ANO4: variants seen among roughly 807,000 people sequenced by gnomAD.
The protein encoded by ANO4 is anoctamin-4.
In ANO4, 69 loss-of-function variants were observed where a neutral mutation model predicts 141.9. The observed-to-expected ratio is 0.49, with a 90% CI of 0.40 to 0.59. The LOEUF (loss-of-function observed/expected upper bound fraction) is 0.59. Ranked by LOEUF, ANO4 falls within the 20% of genes least tolerant of loss-of-function variation. The pLI is 0.00. For missense variants in ANO4, 894 were observed against 1,162.2 expected (o/e 0.77, Z 3.36); for synonymous variants, 350 against 394.3 (o/e 0.89, Z 1.33).
chr12:100,953,736 C>T (rs1336613470), intron 5 of ANO4, among the ~76,000 whole-genome samples: 7 of 152,132 alleles, frequency 4.6e-5, no homozygotes, highest in African/African-American at 1.4e-4. Flanking sequence ...GTGAACTAAG[C>T]ACAAAGAGAA....
intron 1 of ANO4, among the ~76,000 whole-genome samples, chr12:100,864,065 AC>A: frequency 6.6e-6 from 1 of 152,236 alleles, no homozygotes; most frequent in Non-Finnish European, 1.5e-5. Flanking sequence ...CAGGCTGTCT[AC>A]TTTTAGTTGC....
chr12:101,022,612 A>C (rs892774963), intron 9 of ANO4, among the ~76,000 whole-genome samples: 18 of 152,266 alleles, frequency 1.2e-4, no homozygotes, highest in African/African-American at 4.1e-4. Context: ...CCATAAACAT[A>C]CTAGAAAGCA....
chr12:100,771,465 T>C (rs997212667), intron 3 of ANO4, among the ~76,000 whole-genome samples: 5 of 152,130 alleles, frequency 3.3e-5, no homozygotes, highest in Admixed American at 2.6e-4. Context: ...GCAGCTAAGC[T>C]AGAGAAAGCA....
chr12:100,769,699 T>C (rs1192991426), intron 3 of ANO4, among the ~76,000 whole-genome samples: 1 of 152,240 alleles, frequency 6.6e-6, no homozygotes, highest in Non-Finnish European at 1.5e-5. Context: ...TAGAATGATG[T>C]ATTTTCACTC....
intron 9 of ANO4, among the ~76,000 whole-genome samples, chr12:101,033,413 T>C (rs956582554): frequency 6.6e-5 from 10 of 151,858 alleles, no homozygotes; most frequent in Non-Finnish European, 1.3e-4. Flanking sequence ...CACATGTATA[T>C]ATATGTAACT....
At chr12:100,721,362 G>T (rs545459175) in intron 1 of ANO4, among the ~76,000 whole-genome samples, 1 of 152,328 alleles carries the variant, frequency 6.6e-6, no homozygotes, top group East Asian at 1.9e-4. Flanking sequence ...TTATAATGCA[G>T]TGTTGTAGGG....
intron 26 of ANO4, among the ~76,000 whole-genome samples, chr12:101,125,409 C>CA (rs1197400850): frequency 2.6e-5 from 4 of 151,686 alleles, no homozygotes; most frequent in East Asian, 1.9e-4. Context: ...AGGTCATCTG[C>CA]AAAAAAAAGA....
intron 1 of ANO4, among the ~76,000 whole-genome samples, chr12:100,717,735 C>T (rs928937061): frequency 6.6e-6 from 1 of 152,224 alleles, no homozygotes; most frequent in Admixed American, 6.5e-5. Flanking sequence ...GCGGGTAACC[C>T]GGGAACCGGG....
At chr12:100,943,323 T>C (rs2042590254) in intron 5 of ANO4, among the ~76,000 whole-genome samples, 1 of 152,212 alleles carries the variant, frequency 6.6e-6, no homozygotes, top group Admixed American at 6.5e-5. Context: ...ACATTGGTAA[T>C]TTAAGATACT....
At chr12:100,960,477 G>C (rs2136233492) in intron 5 of ANO4, among the ~76,000 whole-genome samples, 1 of 151,934 alleles carries the variant, frequency 6.6e-6, no homozygotes, top group South Asian at 2.1e-4. Context: ...ATTTTGATCA[G>C]CATTTCACCA....
intron 1 of ANO4, among the ~76,000 whole-genome samples, chr12:100,891,711 A>G (rs1397581676): frequency 1.3e-5 from 2 of 152,206 alleles, no homozygotes; most frequent in Non-Finnish European, 2.9e-5. Context: ...GGATAGCTAA[A>G]TCAATGCAAT....
rs2041373794 is a variant in ANO4, at chr12:100,916,993, A to AC, written c.56-5233_56-5232insC. ...GTGTGACTGTCTTAAAAAAAAAAAA[A>AC]AGCCTAGCTGTAAGCTAGGTACAGA... is the stretch of plus-strand genomic sequence containing the variant. On this transcript the variant is annotated intron_variant, in intron 2 of 27. Transcript: ENST00000392977. Among the ~76,000 whole-genome samples the AC allele has an allele frequency of 2.0e-5, 3 of 152,144 alleles. No homozygotes were observed. In the East Asian group the frequency reaches 5.8e-4, roughly 29 times the overall value.
chr12:101,112,277 C>A (rs1240777793), intron 24 of ANO4, among the ~76,000 whole-genome samples: 3 of 152,144 alleles, frequency 2.0e-5, no homozygotes, highest in Non-Finnish European at 4.4e-5. Flanking sequence ...TTACCCCAAG[C>A]AAGCTGAGTG....
intron 1 of ANO4, among the ~76,000 whole-genome samples, chr12:100,830,066 A>G (rs1372469888): frequency 6.6e-6 from 1 of 152,080 alleles, no homozygotes; most frequent in Non-Finnish European, 1.5e-5. Flanking sequence ...GAGTAGGACT[A>G]TAGTCATTAT....
chr12:101,025,425 A>C (rs552087668), intron 9 of ANO4, among the ~76,000 whole-genome samples: 1 of 152,322 alleles, frequency 6.6e-6, no homozygotes, highest in South Asian at 2.1e-4. Flanking sequence ...CACAGAAAGA[A>C]GTACCGGAAG....
At chr12:100,956,758 G>C (rs577124121) in intron 5 of ANO4, among the ~76,000 whole-genome samples, 1 of 152,134 alleles carries the variant, frequency 6.6e-6, no homozygotes, top group East Asian at 1.9e-4. Flanking sequence ...GCTGTTCGCT[G>C]TTGCTTCTGA....
intron 1 of ANO4, among the ~76,000 whole-genome samples, chr12:100,840,362 A>G (rs181169868): frequency 6.6e-6 from 1 of 152,156 alleles, no homozygotes; most frequent in Non-Finnish European, 1.5e-5. Context: ...TAATCCTACC[A>G]TCTATATATA....
chr12:100,850,219 T>C (rs182543710), intron 1 of ANO4, among the ~76,000 whole-genome samples: 19 of 152,350 alleles, frequency 1.2e-4, no homozygotes, highest in African/African-American at 4.3e-4. Flanking sequence ...AGGGGACTTA[T>C]ATATGATTAG....
chr12:100,774,790 A>C (rs1327025833), intron 3 of ANO4, among the ~76,000 whole-genome samples: 1 of 152,218 alleles, frequency 6.6e-6, no homozygotes, highest in Non-Finnish European at 1.5e-5. Flanking sequence ...CTTTCCTATA[A>C]TCATCAGTCA....
Sources: allele counts gnomAD v4.1 joint callset (sites outside exome capture counted in the v4.1 genomes callset), GRCh38; gene constraint gnomAD v4.1.1; transcripts MANE v1.5; gene names NCBI Gene and HGNC (gene_info 2026-07-23, HGNC 2026-07-21).